Variants in ZDHHC8 observed in about 807,000 individuals in gnomAD.
ZDHHC8 encodes zDHHC palmitoyltransferase 8.
A neutral mutation model predicts 61.2 loss-of-function variants in ZDHHC8; 24 were observed. The observed-to-expected ratio is 0.39, with a 90% CI of 0.28 to 0.55. The LOEUF is 0.55. Among genes scored for constraint, ZDHHC8 ranks in the 20% least tolerant of loss-of-function variants. The pLI, the probability that ZDHHC8 is intolerant of heterozygous loss-of-function variation, is 0.60. For synonymous variants in ZDHHC8, 523 were observed against 492.5 expected (o/e 1.06, Z -0.82); for missense variants, 935 against 1,102.1 (o/e 0.85, Z 2.15).
rs2050448241 is a variant in ZDHHC8, at chr22:20,139,478, C to A, written c.227C>A (p.Ala76Glu). Residue 76 changes from alanine (A) to glutamate (E), a missense_variant and splice_region_variant, in exon 3 of 11, where the codon GCG becomes GAG. By Grantham distance (107) the Ala-to-Glu change is moderately radical (BLOSUM62 -1). Around this residue, in one of 3 missense-constraint regions of ZDHHC8, gnomAD observed 199 missense variants for 334.0 expected, o/e 0.60. Coordinates refer to ENST00000334554, the MANE Select transcript of ZDHHC8 (RefSeq NM_013373.4). ...TCACTGCCTGGCTCCTGGTCTGTAG[C>A]GGATGAGGATGAGGACAAGGAGGAC... ...TFMDPGVFPR[A>E]DEDEDKEDDF... 3 of 1,613,348 alleles carry A rather than the reference C, an allele frequency of 1.9e-6. No homozygotes were observed. Among genetic ancestry groups the A allele is most frequent in the Non-Finnish European group, 2.5e-6 (3 of 1,179,840 alleles).
intron 9 of ZDHHC8, among the ~76,000 whole-genome samples, chr22:20,142,199 C>T (rs1476658923): frequency 6.6e-6 from 1 of 152,210 alleles, no homozygotes; most frequent in Non-Finnish European, 1.5e-5. Flanking sequence ...AGCAGTGAGT[C>T]TGAGCCTCCT....
At position 20,134,224 on chromosome 22, in the gene ZDHHC8, A is replaced by C. The variant is rs2050401908; in HGVS notation, c.104+2173A>C. Among the ~76,000 whole-genome samples the C allele has an allele frequency of 2.6e-5, 4 of 152,328 alleles. No homozygotes were observed. In the South Asian group the frequency reaches 8.3e-4, roughly 32 times the overall value. On this transcript the variant is annotated intron_variant, in intron 1 of 10. Coordinates refer to ENST00000334554, the MANE Select transcript of ZDHHC8 (RefSeq NM_013373.4). Reference sequence around the variant, plus strand: ...TGGGTTTGATGTGCAGTGGCCACCTAGCAAGGCTAAGAAGCCCTGCTTGCC... The same window carrying C: ...TGGGTTTGATGTGCAGTGGCCACCTCGCAAGGCTAAGAAGCCCTGCTTGCC...
chr22:20,140,096 G>A lies in ZDHHC8; in HGVS notation c.558-19G>A, dbSNP rs762601862. 5 of 1,612,918 alleles carry A rather than the reference G, an allele frequency of 3.1e-6. No homozygotes were observed. Among genetic ancestry groups the A allele is most frequent in the African/African-American group, 1.3e-5 (1 of 74,918 alleles). On this transcript the variant is annotated intron_variant, in intron 4 of 10. Coordinates refer to ENST00000334554, the MANE Select transcript of ZDHHC8 (RefSeq NM_013373.4). ...GGTCTGCGGTGTCCTGGCCTGCACC[G>A]TTGGCCTTAACGGGCTAGCATGGCT... is the stretch of plus-strand genomic sequence containing the variant.
At chr22:20,137,840 G>A (rs2050434457) in intron 1 of ZDHHC8, among the ~76,000 whole-genome samples, 1 of 152,194 alleles carries the variant, frequency 6.6e-6, no homozygotes, top group Non-Finnish European at 1.5e-5. Context: ...AGGAAGCCTG[G>A]GGGCTGAGCC....
At position 20,147,362 on chromosome 22, in the gene ZDHHC8, A is replaced by G. The variant is rs933044408; in HGVS notation, c.*1962A>G. 4.5e-5 allele frequency: 43 copies of G among 965,804 alleles called. No homozygotes were observed. Among genetic ancestry groups the G allele is most frequent in the Non-Finnish European group, 4.2e-5 (29 of 696,464 alleles). The allele number at this position is 965,804 out of a possible 1,614,324, so 59.8% of individuals were successfully genotyped here. A position where few individuals can be genotyped will look rare whatever the true frequency, so the allele number is the denominator to read the frequency against. ...TCTGCTCCACCAGCCACAGCTTGAC[A>G]GATTCCCAGCCTGCCAGGGCCTGAG... On this transcript the variant is annotated 3_prime_UTR_variant, in exon 11 of 11. Transcript: ENST00000334554.
Position 20,139,840 on chromosome 22 carries a change from G to T in ZDHHC8, c.505G>T (p.Val169Phe). The T allele has an allele frequency of 1.2e-6, 2 of 1,612,762 alleles. No individual in the cohort carries two copies. The highest frequency in any genetic ancestry group is 8.5e-7 in the Non-Finnish European group (1 of 1,180,002). Reference protein sequence around the residue: ...HMVGVVAFGLVYVLNHAEGLG... With the variant: ...HMVGVVAFGLFYVLNHAEGLG... The stretch of plus-strand genomic sequence containing the variant: ...GGTGGGCGTCGTGGCCTTCGGCCTG[G>T]TCTACGTGCTGAACCACGCTGAGGG... The change falls in exon 4 of 11, where the codon GTC (valine) becomes TTC (phenylalanine). Residue 169 changes from valine (V) to phenylalanine (F), a missense_variant. Val to Phe is a conservative substitution (Grantham distance 50). Coordinates refer to ENST00000334554, the MANE Select transcript of ZDHHC8 (RefSeq NM_013373.4).
In ZDHHC8 at chr22:20,139,722, C is replaced by G; in HGVS notation, c.387C>G (p.Asp129Glu). ...HCSVCDNCVE[D>E]FDHHCPWVNN... ...CCTGATGCACTGCTCCCGCCCAGGACTTTGACCACCACTGCCCCTGGGTCA... is the reference window on the plus strand; with the variant it reads ...CCTGATGCACTGCTCCCGCCCAGGAGTTTGACCACCACTGCCCCTGGGTCA... Residue 129 changes from aspartate (D) to glutamate (E), a missense_variant and splice_region_variant, in exon 4 of 11, where the codon GAC (aspartate) becomes GAG (glutamate). Asp to Glu is a conservative substitution (Grantham distance 45, BLOSUM62 2). This residue lies in a region of ZDHHC8 where 199 missense variants were observed against 334.0 expected (regional missense o/e 0.60). Transcript: ENST00000334554. 1 of 1,612,368 alleles carries G rather than the reference C, an allele frequency of 6.2e-7. No individual in the cohort carries two copies. Among genetic ancestry groups the G allele is most frequent in the South Asian group, 1.1e-5 (1 of 91,082 alleles).
chr22:20,134,972 C>T (rs940329978), intron 1 of ZDHHC8, among the ~76,000 whole-genome samples: 34 of 152,240 alleles, frequency 2.2e-4, no homozygotes, highest in Admixed American at 6.5e-4. Context: ...CACTCTGTCA[C>T]CCAGGCCAGA....
Position 20,140,199 on chromosome 22 carries a change from G to T in ZDHHC8, c.642G>T (p.Gly214=). The T allele has an allele frequency of 1.9e-6, 3 of 1,612,842 alleles. No individual in the cohort carries two copies. Among genetic ancestry groups the T allele is most frequent in the Non-Finnish European group, 2.5e-6 (3 of 1,179,974 alleles). Residue 214 remains glycine (G), a synonymous_variant, in exon 5 of 11, where the codon GGG becomes GGT. Coordinates refer to ENST00000334554, the MANE Select transcript of ZDHHC8 (RefSeq NM_013373.4). ...TGFHVVLVTR[G]RTTNEQVTGK... ...TCCATGTGGTGCTGGTCACTCGGGG[G>T]CGCACCACCAACGAGCAGGTGCAGA...
intron 1 of ZDHHC8, among the ~76,000 whole-genome samples, chr22:20,133,860 G>T (rs970142640): frequency 1.3e-5 from 2 of 151,930 alleles, no homozygotes; most frequent in East Asian, 1.9e-4. Context: ...TCCTGGCGCC[G>T]CGTCTGCAGC....
intron 2 of ZDHHC8, 34 bp downstream of exon 2, chr22:20,139,349 T>G: frequency 6.2e-7 from 1 of 1,609,428 alleles, no homozygotes; most frequent in South Asian, 1.1e-5. Flanking sequence ...TCCTCTCACT[T>G]TCACTAGAGT....
rs533248983 is a variant in ZDHHC8 at position 20,146,168 on chromosome 22, G to T, written c.*768G>T. 7.1e-6 allele frequency: 7 copies of T among 985,552 alleles called. No individual in the cohort carries two copies. The highest frequency in any genetic ancestry group is 8.4e-6 in the Non-Finnish European group (7 of 829,972). 61.1% of individuals were successfully genotyped at this position (985,552 alleles called of 1,614,324 possible). On this transcript the variant is annotated 3_prime_UTR_variant, in exon 11 of 11. Transcript: ENST00000334554. ...GGGGCAGGCGGGAGCAGGCACGGGG[G>T]TGATGCTGCCACAGGGGGCTGGTGA...
In ZDHHC8 at chr22:20,142,946, G is replaced by A. The variant is rs1321375639; in HGVS notation, c.1316G>A (p.Ser439Asn). ...ALRSLSLKASSRRGGDHVALQ... is the reference protein window; with the variant it reads ...ALRSLSLKASNRRGGDHVALQ... ...CGCTCCCTGAGCCTCAAGGCCTCGA[G>A]CCGGCGGGGCGGGGATCATGTGGCC... Residue 439 changes from serine to asparagine, a missense_variant, in exon 10 of 11, where the codon AGC becomes AAC. This residue lies in a region of ZDHHC8 where 692 missense variants were observed against 731.4 expected (regional missense o/e 0.95). Transcript: ENST00000334554. 2.5e-6 allele frequency: 4 copies of A among 1,601,842 alleles called. No homozygotes were observed. Among genetic ancestry groups the A allele is most frequent in the Non-Finnish European group, 3.4e-6 (4 of 1,173,030 alleles).
chr22:20,141,758 G>A (rs1390456460), intron 9 of ZDHHC8, among the ~76,000 whole-genome samples: 1 of 152,214 alleles, frequency 6.6e-6, no homozygotes, highest in African/African-American at 2.4e-5. Context: ...GACCCACAGA[G>A]GGGAGCAGGG....
In ZDHHC8 at chr22:20,132,035, C is replaced by T; in HGVS notation, c.88C>T (p.Leu30Phe). ...AAALLVGSST[L>F]FFVFTCPWLT... ...CGCGCTGCTGGTCGGCTCCAGCACC[C>T]TCTTCTTCGTGTTCACGTGAGTCGG... The change falls in exon 1 of 11, where the codon CTC becomes TTC. Residue 30 changes from leucine to phenylalanine, a missense_variant. Around this residue, in one of 3 missense-constraint regions of ZDHHC8, gnomAD observed 199 missense variants for 334.0 expected, o/e 0.60. Coordinates refer to ENST00000334554, the MANE Select transcript of ZDHHC8 (RefSeq NM_013373.4). 3 of 1,360,158 alleles carry T rather than the reference C, an allele frequency of 2.2e-6. No homozygotes were observed. The highest frequency in any genetic ancestry group is 1.5e-5 in the African/African-American group (1 of 66,156). The allele number at this position is 1,360,158 out of a possible 1,614,324, so 84.3% of individuals were successfully genotyped here.
rs764675118 is a variant in ZDHHC8 at position 20,141,356 on chromosome 22, C to T, written c.1015+19C>T. ...AGTGCTGGTGAGGTTGGGGCAGCCA[C>T]GACTAGGGAGGGATATGGGTTGACC... is the stretch of plus-strand genomic sequence containing the variant. On this transcript the variant is annotated intron_variant, in intron 8 of 10. Transcript: ENST00000334554. 7 of 1,611,164 alleles carry T rather than the reference C, an allele frequency of 4.3e-6. No individual in the cohort carries two copies. The highest frequency in any genetic ancestry group is 1.6e-4 in the Middle Eastern group (1 of 6,078).
intron 1 of ZDHHC8, among the ~76,000 whole-genome samples, chr22:20,134,980 A>G (rs1361462975): frequency 6.6e-6 from 1 of 152,136 alleles, no homozygotes; most frequent in Non-Finnish European, 1.5e-5. Flanking sequence ...CACCCAGGCC[A>G]GAGTGCAGTG....
rs1340877762 is a variant in ZDHHC8, at chr22:20,146,564, GGGGTCGGT to G, written c.*1169_*1176del. The G allele has an allele frequency of 7.1e-6, 7 of 992,512 alleles. No homozygotes were observed. In the African/African-American group the frequency reaches 1.2e-4, roughly 17 times the overall value. 61.5% of individuals were successfully genotyped at this position (992,512 alleles called of 1,614,324 possible). A position where few individuals can be genotyped will look rare whatever the true frequency, so the allele number is the denominator to read the frequency against. ...GGGAGTGGCTGCTGTCTGGTGTGCA[GGGGTCGGT>G]GGGTTCCTCAGGGGCATTTCTGCCG... On this transcript the variant is annotated 3_prime_UTR_variant, in exon 11 of 11. Transcript: ENST00000334554.
Position 20,131,867 on chromosome 22 carries a change from C to A in ZDHHC8, c.-81C>A. The A allele has an allele frequency of 3.1e-6, 1 of 324,166 alleles. No individual in the cohort carries two copies. Among genetic ancestry groups the A allele is most frequent in the Non-Finnish European group, 4.4e-6 (1 of 227,656 alleles). The allele number at this position is 324,166 out of a possible 1,614,324, so 20.1% of individuals were successfully genotyped here. ...CCGCGGGTCCTGCGCCGCGTCCAGCCCGCCCGCCCGACCCCGGCCCGACCC... is the reference window on the plus strand; with the variant it reads ...CCGCGGGTCCTGCGCCGCGTCCAGCACGCCCGCCCGACCCCGGCCCGACCC... On this transcript the variant is annotated 5_prime_UTR_variant, in exon 1 of 11. Coordinates refer to ENST00000334554, the MANE Select transcript of ZDHHC8 (RefSeq NM_013373.4).
Sources: allele counts gnomAD v4.1 joint callset (sites outside exome capture counted in the v4.1 genomes callset), GRCh38; gene constraint gnomAD v4.1.1; regional missense constraint gnomAD v4.1.1; transcripts MANE v1.5; gene names NCBI Gene and HGNC (gene_info 2026-07-23, HGNC 2026-07-21).